The following ZNF28 variants were observed in gnomAD, a reference collection of about 807,000 sequenced individuals.
The protein encoded by ZNF28 is zinc finger protein KOX24.
Under a neutral mutation model 7.2 loss-of-function variants are expected in ZNF28, and 5 were observed. That is an observed-to-expected ratio of 0.70 (90% CI 0.36 to 1.46). The LOEUF is 1.46. Ranked by LOEUF, ZNF28 falls within the 40% of genes most tolerant of loss-of-function variation. ZNF28 has a pLI of 0.03. For missense variants in ZNF28, 879 were observed against 866.6 expected (o/e 1.01, Z -0.18); for synonymous variants, 288 against 292.4 (o/e 0.99, Z 0.15).
chr19:52,807,818 G>C (rs899789655), intron 3 of ZNF28, 189 bp downstream of exon 3: 1 of 1,009,146 alleles, frequency 9.9e-7, no homozygotes, highest in African/African-American at 1.6e-5. Context: ...AAGCTCCACT[G>C]AGCTATCATG....
Position 52,801,376 on chromosome 19 carries a change from C to T in ZNF28, c.469G>A (p.Glu157Lys). ...TCAACTTGATTACCAATTTTCCCTT[C>T]AGGCTGAAATATGTGCAGTTCAGGC... is the stretch of plus-strand genomic sequence containing the variant. ...HLPELHIFQP[E>K]GKIGNQVEKS... Residue 157 changes from glutamate (E) to lysine (K), a missense_variant, in exon 4 of 4, where the codon GAA becomes AAA. Glu to Lys is a moderately conservative substitution (Grantham distance 56). Coordinates refer to ENST00000457749, the MANE Select transcript of ZNF28 (RefSeq NM_006969.5). The T allele has an allele frequency of 6.2e-7, 1 of 1,614,218 alleles. No individual in the cohort carries two copies. The highest frequency in any genetic ancestry group is 8.5e-7 in the Non-Finnish European group (1 of 1,180,034).
At chr19:52,821,377 A>G (rs2904238) in intron 1 of ZNF28, among the ~76,000 whole-genome samples, 2,421 of 151,782 alleles carry the variant, frequency 0.016, 58 homozygotes, top group African/African-American at 0.053. Flanking sequence ...ATTGCCCTGT[A>G]GCAGAAAGAC....
chr19:52,809,822 A>AGGCGGC (rs112288552), intron 2 of ZNF28: 115 of 527,350 alleles, frequency 2.2e-4, no homozygotes, highest in East Asian at 1.2e-3. Flanking sequence ...TGAGCGGCGA[A>AGGCGGC]GGCGGCGGCG....
At chr19:52,810,276 T>G in intron 2 of ZNF28, 1 of 1,433,654 alleles carries the variant, frequency 7.0e-7, no homozygotes, top group Non-Finnish European at 9.8e-7. Context: ...AGTGATCACG[T>G]CCATTGAGGA....
intron 2 of ZNF28, chr19:52,809,835 G>GGCGGCC: frequency 1.8e-6 from 1 of 559,638 alleles, no homozygotes; most frequent in Non-Finnish European, 3.1e-6. Context: ...CGGCGGCGGC[G>GGCGGCC]GCGGTGGCGG....
At chr19:52,815,008 A>G (rs2063103654) in intron 2 of ZNF28, among the ~76,000 whole-genome samples, 1 of 145,934 alleles carries the variant, frequency 6.9e-6, no homozygotes, top group Non-Finnish European at 1.5e-5. Flanking sequence ...TTAATAACAA[A>G]GTGGTCATTT....
intron 2 of ZNF28, among the ~76,000 whole-genome samples, chr19:52,813,382 G>GGGAT (rs1298093941): frequency 6.6e-6 from 1 of 151,832 alleles, no homozygotes; most frequent in East Asian, 1.9e-4. Context: ...ATTCACTCTG[G>GGGAT]GGATTCGCCA....
At chr19:52,812,416 T>C (rs1326730339) in intron 2 of ZNF28, among the ~76,000 whole-genome samples, 3 of 132,548 alleles carry the variant, frequency 2.3e-5, no homozygotes, top group Admixed American at 1.5e-4. Flanking sequence ...TTTTGTTCTG[T>C]ACTAAGAAAA....
At chr19:52,816,207 TA>T (rs1362920683) in intron 2 of ZNF28, among the ~76,000 whole-genome samples, 1 of 124,534 alleles carries the variant, frequency 8.0e-6, no homozygotes, top group East Asian at 2.0e-4. Flanking sequence ...TGTTTACATA[TA>T]ACCATTTATA....
At chr19:52,821,326 A>G (rs576601338) in intron 1 of ZNF28, among the ~76,000 whole-genome samples, 1 of 152,246 alleles carries the variant, frequency 6.6e-6, no homozygotes, top group Non-Finnish European at 1.5e-5. Context: ...GAGTCAAAAA[A>G]AGGTTTTGAG....
chr19:52,820,482 C>T (rs896816093), intron 1 of ZNF28, among the ~76,000 whole-genome samples: 9 of 151,378 alleles, frequency 5.9e-5, no homozygotes, highest in Non-Finnish European at 1.2e-4. Flanking sequence ...CATAGATTTC[C>T]ACCTCTTCTC....
chr19:52,803,556 A>C (rs2062900064), intron 3 of ZNF28, among the ~76,000 whole-genome samples: 1 of 152,368 alleles, frequency 6.6e-6, no homozygotes, highest in Admixed American at 6.5e-5. Flanking sequence ...CCCTCTTAAG[A>C]AAAAAGCCAA....
At chr19:52,810,464 G>C in intron 2 of ZNF28, 1 of 1,590,498 alleles carries the variant, frequency 6.3e-7, no homozygotes, top group Non-Finnish European at 8.6e-7. Flanking sequence ...CAAAGAGTCA[G>C]TGAGGACTTC....
Position 52,801,496 on chromosome 19 carries a change from T to C in ZNF28, c.349A>G (p.Lys117Glu). Reference sequence around the variant, plus strand: ...TGGCCTGTACTACCAGTCAACTCTTTGATTTCTGTCATGGGTGCTGCATGG... The same window carrying C: ...TGGCCTGTACTACCAGTCAACTCTTCGATTTCTGTCATGGGTGCTGCATGG... ...NDHAAPMTEI[K>E]ELTGSTGQHD... The change falls in exon 4 of 4, where the codon AAA (lysine) becomes GAA (glutamate). Residue 117 changes from lysine (K) to glutamate (E), a missense_variant. Lys to Glu is a moderately conservative substitution (Grantham distance 56, BLOSUM62 1). This residue lies in a region of ZNF28 where 864 missense variants were observed against 830.2 expected (regional missense o/e 1.04). Coordinates refer to ENST00000457749, the MANE Select transcript of ZNF28 (RefSeq NM_006969.5). The C allele has an allele frequency of 3.1e-6, 5 of 1,614,116 alleles. No individual in the cohort carries two copies. The highest frequency in any genetic ancestry group is 2.2e-5 in the East Asian group (1 of 44,882).
Position 52,798,367 on chromosome 19 carries a change from T to G in ZNF28, c.*1321A>C, listed in dbSNP as rs2062822043. 1 of 347,436 alleles carries G rather than the reference T, an allele frequency of 2.9e-6. No individual in the cohort carries two copies. Among genetic ancestry groups the G allele is most frequent in the Non-Finnish European group, 5.7e-6 (1 of 176,782 alleles). The allele number at this position is 347,436 out of a possible 1,614,324, so 21.5% of individuals were successfully genotyped here. On this transcript the variant is annotated 3_prime_UTR_variant, in exon 4 of 4. Transcript: ENST00000457749. ...AACTCAATGTTAAGTCAACTCAAAC[T>G]CAGGTCAGTGCTCATTTAACTGTAA...
intron 1 of ZNF28, among the ~76,000 whole-genome samples, chr19:52,821,334 G>T (rs1363117562): frequency 1.3e-5 from 2 of 152,164 alleles, no homozygotes; most frequent in Non-Finnish European, 2.9e-5. Context: ...AAAAGGTTTT[G>T]AGCAGGAAAA....
At chr19:52,811,246 C>A (rs939358116) in intron 2 of ZNF28, among the ~76,000 whole-genome samples, 4 of 151,688 alleles carry the variant, frequency 2.6e-5, no homozygotes, top group African/African-American at 4.8e-5. Flanking sequence ...TCACTACAAC[C>A]TCCACCTCCC....
Position 52,799,012 on chromosome 19 carries a change from AC to A in ZNF28, c.*675del. The A allele has an allele frequency of 2.5e-6, 2 of 788,862 alleles. No individual in the cohort carries two copies. Among genetic ancestry groups the A allele is most frequent in the South Asian group, 1.7e-5 (1 of 60,300 alleles). The allele number at this position is 788,862 out of a possible 1,614,324, so 48.9% of individuals were successfully genotyped here. On this transcript the variant is annotated 3_prime_UTR_variant, in exon 4 of 4. Coordinates refer to ENST00000457749, the MANE Select transcript of ZNF28 (RefSeq NM_006969.5). Reference sequence around the variant, plus strand: ...TCCCAAAAGCCTTGTTACAAACCTTACATTTGTATGTTTTTTCTCCAGTATG... The same window carrying A: ...TCCCAAAAGCCTTGTTACAAACCTTAATTTGTATGTTTTTTCTCCAGTATG...
In ZNF28 at chr19:52,799,726, C is replaced by A; in HGVS notation, c.2119G>T (p.Val707Leu). 1 of 1,610,476 alleles carries A rather than the reference C, an allele frequency of 6.2e-7. No individual in the cohort carries two copies. The highest frequency in any genetic ancestry group is 8.5e-7 in the Non-Finnish European group (1 of 1,177,616). The change falls in exon 4 of 4, where the codon GTA becomes TTA. Residue 707 changes from valine to leucine, a missense_variant. By Grantham distance (32) the Val-to-Leu change is conservative. Coordinates refer to ENST00000457749, the MANE Select transcript of ZNF28 (RefSeq NM_006969.5). ...CCACTATGAAGTCTATGATGGTATA[C>A]AAGGTTTGACATCTGACTGAAGGTC... is the stretch of plus-strand genomic sequence containing the variant. ...GKTFSQMSNL[V>L]YHHRLHSGEK...
Sources: allele counts gnomAD v4.1 joint callset (sites outside exome capture counted in the v4.1 genomes callset), GRCh38; gene constraint gnomAD v4.1.1; regional missense constraint gnomAD v4.1.1; transcripts MANE v1.5; gene names NCBI Gene and HGNC (gene_info 2026-07-23, HGNC 2026-07-21).